The following SLCO1A2 variants were observed in gnomAD, a reference collection of about 807,000 sequenced individuals.
The protein encoded by SLCO1A2 is solute carrier organic anion transporter family member 1A2.
Under a neutral mutation model 69.0 loss-of-function variants are expected in SLCO1A2, and 67 were observed. That is an observed-to-expected ratio of 0.97 (90% CI 0.80 to 1.19). The LOEUF (loss-of-function observed/expected upper bound fraction) is 1.19. Ranked by LOEUF, SLCO1A2 falls within the 50% of genes most tolerant of loss-of-function variation. The pLI is 0.00. For synonymous variants in SLCO1A2, 260 were observed against 265.9 expected, an observed-to-expected ratio of 0.98 and a Z score of 0.22; for missense variants, 787 against 793.7, an observed-to-expected ratio of 0.99 and a Z score of 0.10.
intron 2 of SLCO1A2, among the ~76,000 whole-genome samples, chr12:21,355,925 A>C (rs1303336083): frequency 6.6e-6 from 1 of 152,190 alleles, no homozygotes. Context: ...AAACTAACTT[A>C]ATCTTTGATA....
At chr12:21,296,922 CACT>C (rs1565479853) in intron 9 of SLCO1A2, among the ~76,000 whole-genome samples, 1 of 152,114 alleles carries the variant, frequency 6.6e-6, no homozygotes, top group Admixed American at 6.6e-5. Flanking sequence ...AGGCTAAAAC[CACT>C]GAGGTTAGTG....
intron 1 of SLCO1A2, among the ~76,000 whole-genome samples, chr12:21,413,220 CTTTTCT>C (rs1329896912): frequency 7.6e-5 from 9 of 118,802 alleles, no homozygotes; most frequent in South Asian, 2.7e-4. Flanking sequence ...ATACTTTCTT[CTTTTCT>C]TTTTCTTTTT....
chr12:21,313,016 GGTCAAAGCTACA>G (rs1565491891), intron 4 of SLCO1A2, among the ~76,000 whole-genome samples: 1 of 152,084 alleles, frequency 6.6e-6, no homozygotes, highest in Admixed American at 6.5e-5. Context: ...AGCCTGTGGA[GGTCAAAGCTACA>G]GTGAGTGAGA....
intron 1 of SLCO1A2, among the ~76,000 whole-genome samples, chr12:21,406,143 GTAGATA>G (rs1236719612): frequency 2.0e-5 from 3 of 152,174 alleles, no homozygotes; most frequent in African/African-American, 7.2e-5. Context: ...GGTTGAATGA[GTAGATA>G]TATTTAAAAT....
intron 2 of SLCO1A2, among the ~76,000 whole-genome samples, chr12:21,324,980 G>A (rs1358623514): frequency 6.6e-6 from 1 of 152,194 alleles, no homozygotes; most frequent in Non-Finnish European, 1.5e-5. Context: ...TAGCAAAGGG[G>A]TAGCTTCAGT....
chr12:21,305,820 T>C (rs1402874528), intron 5 of SLCO1A2, among the ~76,000 whole-genome samples: 3 of 152,258 alleles, frequency 2.0e-5, no homozygotes, highest in Non-Finnish European at 4.4e-5. Context: ...CCTGACTCAA[T>C]GATGGTCATG....
intron 10 of SLCO1A2, chr12:21,295,360 C>A (rs750766479): frequency 1.0e-4 from 42 of 416,678 alleles, no homozygotes; most frequent in Non-Finnish European, 1.7e-4. Flanking sequence ...GCACACACAC[C>A]CACATGCACA....
upstream of SLCO1A2, among the ~76,000 whole-genome samples, chr12:21,335,424 A>G (rs4148979): frequency 1.4e-5 from 2 of 140,340 alleles, no homozygotes; most frequent in East Asian, 3.9e-4. Context: ...GTACAGATGT[A>G]TAACATACAG....
At chr12:21,293,772 T>C (rs1457021350) in intron 11 of SLCO1A2, among the ~76,000 whole-genome samples, 173 bp downstream of exon 11, 1 of 152,110 alleles carries the variant, frequency 6.6e-6, no homozygotes, top group African/African-American at 2.4e-5. Flanking sequence ...TCACATAAGA[T>C]CTGGGAAATA....
chr12:21,331,092 C>T (rs61927788), intron 2 of SLCO1A2, among the ~76,000 whole-genome samples: 17,477 of 151,714 alleles, frequency 0.12, 1,101 homozygotes, highest in Non-Finnish European at 0.15. Flanking sequence ...ATATATAATC[C>T]TTAAATAACC....
chr12:21,401,915 T>C (rs1402827339), intron 1 of SLCO1A2, among the ~76,000 whole-genome samples: 1 of 151,456 alleles, frequency 6.6e-6, no homozygotes, highest in South Asian at 2.1e-4. Context: ...ACATAATAAA[T>C]ATATAATAGC....
intron 12 of SLCO1A2, among the ~76,000 whole-genome samples, chr12:21,280,142 A>G (rs755763878): frequency 6.6e-6 from 1 of 152,116 alleles, no homozygotes; most frequent in Non-Finnish European, 1.5e-5. Context: ...AAAGCATACC[A>G]CTAGAGATAA....
intron 1 of SLCO1A2, among the ~76,000 whole-genome samples, chr12:21,408,710 ATGCG>A (rs747137521): frequency 3.8e-5 from 4 of 106,482 alleles, no homozygotes; most frequent in Non-Finnish European, 8.2e-5. Flanking sequence ...GCCTCAGCGC[ATGCG>A]TGTGTGTGTG....
At chr12:21,342,866 C>T (rs1953119280) in intron 2 of SLCO1A2, among the ~76,000 whole-genome samples, 1 of 151,840 alleles carries the variant, frequency 6.6e-6, no homozygotes, top group South Asian at 2.1e-4. Context: ...AAGATGATTC[C>T]TAGGTTTCTA....
Position 21,274,544 on chromosome 12 carries a change from G to T in SLCO1A2, c.1718C>A (p.Ser573Tyr). The stretch of plus-strand genomic sequence containing the variant: ...CAAAGTTCCCCAGTGTAAACATGTG[G>T]AATCCATTAAAGCGCCAAAATATAT... ...APIYFGALMD[S>Y]TCLHWGTLKC... The change falls in exon 14 of 15, where the codon TCC (serine) becomes TAC (tyrosine). Residue 573 changes from serine (S) to tyrosine (Y), a missense_variant. Ser to Tyr is a moderately radical substitution (Grantham distance 144). Transcript: ENST00000683939. 1 of 1,613,744 alleles carries T rather than the reference G, an allele frequency of 6.2e-7. No homozygotes were observed. Among genetic ancestry groups the T allele is most frequent in the South Asian group, 1.1e-5 (1 of 91,072 alleles).
chr12:21,331,759 G>T (rs1952633796), intron 2 of SLCO1A2, among the ~76,000 whole-genome samples: 1 of 152,122 alleles, frequency 6.6e-6, no homozygotes, highest in African/African-American at 2.4e-5. Flanking sequence ...CTCCAGAAAG[G>T]AGTTGCCCAC....
intron 2 of SLCO1A2, among the ~76,000 whole-genome samples, chr12:21,329,655 C>A (rs1201687190): frequency 6.6e-6 from 1 of 151,660 alleles, no homozygotes; most frequent in Non-Finnish European, 1.5e-5. Flanking sequence ...ACATGGCCAC[C>A]CTGGAGTCAA....
At chr12:21,376,522 A>G (rs1174830327) in intron 1 of SLCO1A2, among the ~76,000 whole-genome samples, 2 of 152,172 alleles carry the variant, frequency 1.3e-5, no homozygotes, top group Non-Finnish European at 2.9e-5. Flanking sequence ...AGGTTAAATA[A>G]TTAGATCCCA....
At chr12:21,358,524 A>G in intron 2 of SLCO1A2, among the ~76,000 whole-genome samples, 2 of 152,274 alleles carry the variant, frequency 1.3e-5, no homozygotes, top group Admixed American at 1.3e-4. Context: ...AAAGTATTAT[A>G]ATATTTTTGT....
Sources: allele counts gnomAD v4.1 joint callset (sites outside exome capture counted in the v4.1 genomes callset), GRCh38; gene constraint gnomAD v4.1.1; transcripts MANE v1.5; gene names NCBI Gene and HGNC (gene_info 2026-07-23, HGNC 2026-07-21).